The following HACE1 variants were observed in gnomAD, a reference collection of about 807,000 sequenced individuals.
HACE1 encodes the protein HECT domain and ankyrin repeat containing E3 ubiquitin protein ligase 1.
A neutral mutation model predicts 118.4 loss-of-function variants in HACE1; 73 were observed. The observed-to-expected ratio is 0.62, with a 90% CI of 0.51 to 0.75. The LOEUF (loss-of-function observed/expected upper bound fraction) is 0.75. Among genes scored for constraint, HACE1 ranks in the 30% least tolerant of loss-of-function variants. The pLI is 0.00. For synonymous variants in HACE1, 368 were observed against 374.8 expected (o/e 0.98, Z 0.21); for missense variants, 749 against 1,102.2 (o/e 0.68, Z 4.54).
chr6:104,776,085 T>C (rs1781204978), intron 17 of HACE1, among the ~76,000 whole-genome samples: 1 of 152,198 alleles, frequency 6.6e-6, no homozygotes, highest in Non-Finnish European at 1.5e-5. Context: ...AAATTACGAC[T>C]CTATAGGGCA....
intron 14 of HACE1, among the ~76,000 whole-genome samples, chr6:104,783,147 T>C (rs1170202110): frequency 2.0e-5 from 3 of 152,214 alleles, no homozygotes; most frequent in Admixed American, 6.5e-5. Context: ...CCAGCCCACA[T>C]GGTGGCTAGA....
At chr6:104,807,506 T>C (rs1771140605) in intron 7 of HACE1, among the ~76,000 whole-genome samples, 1 of 152,184 alleles carries the variant, frequency 6.6e-6, no homozygotes, top group African/African-American at 2.4e-5. Context: ...TAAACCTTGC[T>C]TTTCCTAATA....
chr6:104,758,721 G>A (rs1778995626), intron 19 of HACE1, among the ~76,000 whole-genome samples: 1 of 152,082 alleles, frequency 6.6e-6, no homozygotes, highest in Non-Finnish European at 1.5e-5. Flanking sequence ...AATGTAAATG[G>A]GCTAAATGAC....
intron 7 of HACE1, among the ~76,000 whole-genome samples, chr6:104,802,002 T>C (rs1290038493): frequency 2.1e-5 from 2 of 96,424 alleles, no homozygotes; most frequent in African/African-American, 4.1e-5. Context: ...AATAAAGGGA[T>C]AGAGGAAGAT....
intron 22 of HACE1, among the ~76,000 whole-genome samples, chr6:104,737,740 G>A (rs11967870): frequency 0.23 from 34,265 of 152,148 alleles, 5,002 homozygotes; most frequent in African/African-American, 0.43. Context: ...AGGCAGCAGC[G>A]AGGCTGGGGG....
At chr6:104,736,355 G>A (rs747732687) in intron 22 of HACE1, among the ~76,000 whole-genome samples, 1 of 151,908 alleles carries the variant, frequency 6.6e-6, no homozygotes, top group Non-Finnish European at 1.5e-5. Flanking sequence ...TGCAATCTCG[G>A]CTCACTGCAA....
At chr6:104,828,338 A>G (rs1773533494) in intron 6 of HACE1, among the ~76,000 whole-genome samples, 1 of 152,062 alleles carries the variant, frequency 6.6e-6, no homozygotes, top group South Asian at 2.1e-4. Context: ...AATAACAATC[A>G]TAATAGCAGT....
Position 104,843,265 on chromosome 6 carries a change from A to G in HACE1, c.360T>C (p.Tyr120=). ...TATTACAAATGTTGACATCAGCGCTATATTCTAATAATTTACTCATACATT... is the reference window on the plus strand; with the variant it reads ...TATTACAAATGTTGACATCAGCGCTGTATTCTAATAATTTACTCATACATT... The part of the protein sequence containing the change: ...QKKCMSKLLE[Y]SADVNICNNE... The change falls in exon 5 of 24, where the codon TAT becomes TAC. Residue 120 remains tyrosine (Y), a synonymous_variant. Transcript: ENST00000262903. 1.3e-6 allele frequency: 2 copies of G among 1,547,462 alleles called. No homozygotes were observed. The highest frequency in any genetic ancestry group is 2.2e-5 in the South Asian group (2 of 89,760).
intron 9 of HACE1, 144 bp from the exon 10 acceptor site, chr6:104,795,829 T>C (rs1169322303): frequency 1.1e-5 from 7 of 622,164 alleles, no homozygotes; most frequent in Non-Finnish European, 2.0e-5. Flanking sequence ...GTTTAAAAGC[T>C]AATATAGAGA....
rs544657702 is a variant in HACE1, at chr6:104,729,542, T to C, written c.*120A>G. The stretch of plus-strand genomic sequence containing the variant: ...AGAAAACCTGATGATCCTTTATAAA[T>C]TGGAAGCATCAGCCCTGCCTATGGG... On this transcript the variant is annotated 3_prime_UTR_variant, in exon 24 of 24. Transcript: ENST00000262903. 34 of 714,096 alleles carry C rather than the reference T, an allele frequency of 4.8e-5. No homozygotes were observed. The highest frequency in any genetic ancestry group is 4.3e-4 in the Admixed American group (22 of 50,960). The allele number at this position is 714,096 out of a possible 1,614,324, so 44.2% of individuals were successfully genotyped here.
At chr6:104,744,329 T>C in intron 21 of HACE1, 99 bp from the exon 22 acceptor site, 8 of 898,596 alleles carry the variant, frequency 8.9e-6, no homozygotes, top group Non-Finnish European at 1.5e-5. Flanking sequence ...CATTTTATTC[T>C]ACAAAACTCG....
chr6:104,762,025 C>T (rs1299546536), intron 19 of HACE1, among the ~76,000 whole-genome samples: 5 of 152,104 alleles, frequency 3.3e-5, no homozygotes, highest in East Asian at 3.9e-4. Context: ...TTTAGAATGG[C>T]GATCATTAAA....
In HACE1 at chr6:104,776,826, A is replaced by C; in HGVS notation, c.1779T>G (p.Gly593=). The part of the protein sequence containing the change: ...AVRFHGEEGM[G]QGVVREWFDI... The stretch of plus-strand genomic sequence containing the variant: ...CAAACCACTCACGCACAACACCTTG[A>C]CCCTGAATTCAAGAAATAAAATTAA... The change falls in exon 17 of 24, where the codon GGT becomes GGG. Residue 593 remains glycine (G), a splice_region_variant and synonymous_variant. Coordinates refer to ENST00000262903, the MANE Select transcript of HACE1 (RefSeq NM_020771.4). 1.9e-6 allele frequency: 3 copies of C among 1,599,082 alleles called. No individual in the cohort carries two copies. Among genetic ancestry groups the C allele is most frequent in the Non-Finnish European group, 2.6e-6 (3 of 1,166,354 alleles).
At chr6:104,845,075 A>G (rs865906124) in intron 4 of HACE1, among the ~76,000 whole-genome samples, 1 of 152,106 alleles carries the variant, frequency 6.6e-6, no homozygotes, top group African/African-American at 2.4e-5. Flanking sequence ...TTGTATACAT[A>G]TTATATAATA....
At chr6:104,737,003 G>A (rs1388330975) in intron 22 of HACE1, among the ~76,000 whole-genome samples, 2 of 151,742 alleles carry the variant, frequency 1.3e-5, no homozygotes, top group African/African-American at 2.4e-5. Context: ...AAAATTATAG[G>A]CCAGGCACGG....
In HACE1 at chr6:104,831,983, GAA is replaced by G. The variant is rs1562471213; in HGVS notation, c.534+1057_534+1058del. On this transcript the variant is annotated intron_variant, in intron 6 of 23. Transcript: ENST00000262903. Reference sequence around the variant, plus strand: ...GAGAAGAGAAGAGAAGAGAAGAGAGGAAGGAAGGAAGGAAGGAAGGAAGGAAG... The same window carrying G: ...GAGAAGAGAAGAGAAGAGAAGAGAGGGGAAGGAAGGAAGGAAGGAAGGAAG... Among the ~76,000 whole-genome samples the G allele has an allele frequency of 3.3e-4, 19 of 58,022 alleles. No homozygotes were observed. In the East Asian group the frequency reaches 4.7e-3, roughly 14 times the overall value. 38.1% of individuals were successfully genotyped at this position (58,022 alleles called of 152,430 possible).
intron 17 of HACE1, among the ~76,000 whole-genome samples, chr6:104,772,899 G>C (rs1385453097): frequency 2.0e-5 from 3 of 151,976 alleles, no homozygotes; most frequent in Admixed American, 2.0e-4. Context: ...ATTTCTGCTT[G>C]GGGTGATGAA....
At chr6:104,823,585 GCGCA>G (rs1773010401) in intron 6 of HACE1, among the ~76,000 whole-genome samples, 1 of 151,436 alleles carries the variant, frequency 6.6e-6, no homozygotes, top group Non-Finnish European at 1.5e-5. Context: ...GTTTTCAATA[GCGCA>G]CTTGCAGATA....
chr6:104,851,349 TG>T (rs1249832386), intron 2 of HACE1, among the ~76,000 whole-genome samples: 2 of 152,224 alleles, frequency 1.3e-5, no homozygotes, highest in African/African-American at 4.8e-5. Flanking sequence ...CCCGAAGTGC[TG>T]GGATTACAGG....
Sources: gnomAD v4.1 joint callset for allele counts (sites outside exome capture counted in the v4.1 genomes callset) on GRCh38, gnomAD v4.1.1 for gene constraint, MANE v1.5 for transcripts, NCBI Gene and HGNC (gene_info 2026-07-23, HGNC 2026-07-21) for gene names.